The following LMNTD1 variants were observed in gnomAD, a reference collection of about 807,000 sequenced individuals.
LMNTD1 encodes lamin tail domain-containing protein 1.
Under a neutral mutation model 50.9 loss-of-function variants are expected in LMNTD1, and 35 were observed. The observed-to-expected ratio is 0.69, with a 90% CI of 0.53 to 0.91. The LOEUF is 0.91. LMNTD1 is among the 40% of genes least tolerant of loss of function. The probability of loss-of-function intolerance (pLI) is 0.00; values close to 1 mark genes in which losing one functional copy is unlikely to be tolerated. For missense variants in LMNTD1, 470 were observed against 475.5 expected, an observed-to-expected ratio of 0.99 and a Z score of 0.11; for synonymous variants, 153 against 161.9, an observed-to-expected ratio of 0.94 and a Z score of 0.42.
At chr12:25,562,300 T>C (rs1465448471) in intron 1 of LMNTD1, among the ~76,000 whole-genome samples, 1 of 152,212 alleles carries the variant, frequency 6.6e-6, no homozygotes, top group Non-Finnish European at 1.5e-5. Context: ...TGTTTAGTGC[T>C]TCCTTCAAGA....
At chr12:25,609,922 T>A (rs763403526) in intron 1 of LMNTD1, among the ~76,000 whole-genome samples, 1 of 152,156 alleles carries the variant, frequency 6.6e-6, no homozygotes, top group Non-Finnish European at 1.5e-5. Flanking sequence ...TCTGTTGCCT[T>A]TTTTTCAGCT....
intron 6 of LMNTD1, among the ~76,000 whole-genome samples, chr12:25,521,514 G>A (rs954850713): frequency 1.3e-5 from 2 of 152,162 alleles, no homozygotes; most frequent in Non-Finnish European, 2.9e-5. Flanking sequence ...CTTGGCCTTA[G>A]TTTCCTGTTC....
At chr12:25,645,411 A>T (rs1391341423) in intron 1 of LMNTD1, among the ~76,000 whole-genome samples, 1 of 152,138 alleles carries the variant, frequency 6.6e-6, no homozygotes, top group African/African-American at 2.4e-5. Context: ...TTGAAAGGAG[A>T]GGTGGTTGTG....
At chr12:25,479,679 T>A (rs534099581) in intron 9 of LMNTD1, among the ~76,000 whole-genome samples, 1 of 152,180 alleles carries the variant, frequency 6.6e-6, no homozygotes, top group East Asian at 1.9e-4. Context: ...TTCCAATGAG[T>A]CCACAGATGG....
At chr12:25,552,848 C>G in intron 2 of LMNTD1, 23 bp downstream of exon 2, 1 of 1,384,906 alleles carries the variant, frequency 7.2e-7, no homozygotes, top group South Asian at 1.2e-5. Flanking sequence ...AACTCTGCTT[C>G]CATCGCATCT....
intron 1 of LMNTD1, among the ~76,000 whole-genome samples, chr12:25,576,843 T>C (rs1056332643): frequency 5.3e-5 from 8 of 152,192 alleles, no homozygotes; most frequent in African/African-American, 7.2e-5. Flanking sequence ...TTTAAGTCTT[T>C]AATCCATCTT....
intron 7 of LMNTD1, 64 bp downstream of exon 7, chr12:25,519,794 C>T: frequency 9.4e-7 from 1 of 1,069,200 alleles, no homozygotes; most frequent in South Asian, 1.4e-5. Context: ...CTAGTCGTTC[C>T]CACATGCTTA....
chr12:25,523,900 A>G (rs1480846230), intron 6 of LMNTD1, among the ~76,000 whole-genome samples: 2 of 151,822 alleles, frequency 1.3e-5, no homozygotes, highest in Non-Finnish European at 2.9e-5. Flanking sequence ...AAGAGAGCCT[A>G]TTGAGAGGCA....
rs540245848 is a variant in LMNTD1, at chr12:25,646,549, G to A, written c.58+1945C>T. On this transcript the variant is annotated intron_variant, in intron 1 of 7. Transcript: ENST00000445693. ...TTAGAGGGGCAGCTGGGTCAAGAGG[G>A]GTGATGTCTGCCACTCATGTGTGTT... 3.3e-5 allele frequency among the ~76,000 whole-genome samples: 5 copies of A among 152,200 alleles called. No homozygotes were observed. The East Asian group carries it at 7.7e-4, about 24-fold the overall frequency.
intron 3 of LMNTD1, among the ~76,000 whole-genome samples, chr12:25,547,583 T>C (rs1164546040): frequency 6.6e-6 from 1 of 151,584 alleles, no homozygotes; most frequent in East Asian, 1.9e-4. Context: ...GTGAAAGATA[T>C]AAAGAAATAA....
chr12:25,553,245 GA>G lies in LMNTD1; in HGVS notation c.-208del. 6.8e-7 allele frequency: 1 copy of G among 1,475,666 alleles called. No individual in the cohort carries two copies. The allele number at this position is 1,475,666 out of a possible 1,614,324, so 91.4% of individuals were successfully genotyped here. ...GTGTAGCATTCACTGGAAGCAGCTT[GA>G]GAGGGCAGTAACTTGGCAAAGAGAC... On this transcript the variant is annotated 5_prime_UTR_variant, in exon 1 of 10. Coordinates refer to ENST00000458174, the MANE Select transcript of LMNTD1 (RefSeq NM_001145728.2).
chr12:25,518,714 TTA>T, intron 8 of LMNTD1, 79 bp downstream of exon 8: 1 of 1,257,136 alleles, frequency 8.0e-7, no homozygotes. Flanking sequence ...TTAGCACATT[TTA>T]ACCACTTAAC....
chr12:25,639,198 G>C (rs949645294), intron 1 of LMNTD1, among the ~76,000 whole-genome samples: 1 of 152,110 alleles, frequency 6.6e-6, no homozygotes, highest in African/African-American at 2.4e-5. Context: ...GTAAGAGTTA[G>C]AACTATGAAA....
chr12:25,587,548 G>T (rs910033285), intron 1 of LMNTD1, among the ~76,000 whole-genome samples: 1 of 152,168 alleles, frequency 6.6e-6, no homozygotes, highest in Admixed American at 6.5e-5. Flanking sequence ...ATCTTGTGAG[G>T]ACTCACTCTT....
intron 8 of LMNTD1, among the ~76,000 whole-genome samples, chr12:25,509,251 G>A (rs1201270957): frequency 6.6e-6 from 1 of 152,066 alleles, no homozygotes. Context: ...GGGATTACAG[G>A]TGCACACCAC....
chr12:25,508,854 T>C (rs1372592618), intron 8 of LMNTD1, among the ~76,000 whole-genome samples: 2 of 152,138 alleles, frequency 1.3e-5, no homozygotes, highest in Admixed American at 6.6e-5. Context: ...TTTGCAAATA[T>C]CATTCGTCAG....
At chr12:25,640,723 C>A (rs1487366904) in intron 1 of LMNTD1, among the ~76,000 whole-genome samples, 2 of 151,440 alleles carry the variant, frequency 1.3e-5, no homozygotes, top group Non-Finnish European at 1.5e-5. Context: ...AGTATAGTGG[C>A]GCAAACTCAG....
chr12:25,527,024 T>A, intron 4 of LMNTD1, 69 bp from the exon 5 acceptor site: 1 of 1,104,316 alleles, frequency 9.1e-7, no homozygotes, highest in Non-Finnish European at 1.3e-6. Flanking sequence ...CTTTAAGAAG[T>A]GATTAATAAA....
At chr12:25,533,363 A>C (rs1054207461) in intron 4 of LMNTD1, among the ~76,000 whole-genome samples, 1 of 152,210 alleles carries the variant, frequency 6.6e-6, no homozygotes, top group African/African-American at 2.4e-5. Context: ...GCCTTTGCAC[A>C]GTCTCTATTT....
Sources: gnomAD v4.1 joint callset for allele counts (sites outside exome capture counted in the v4.1 genomes callset) on GRCh38, gnomAD v4.1.1 for gene constraint, MANE v1.5 for transcripts, NCBI Gene and HGNC (gene_info 2026-07-23, HGNC 2026-07-21) for gene names.